Variants in EEF2K observed in about 807,000 individuals in gnomAD.
The protein encoded by EEF2K is eukaryotic elongation factor 2 kinase.
EEF2K carries 70 observed loss-of-function variants against 93.8 expected under a neutral mutation model. The ratio of observed to expected loss-of-function variants is 0.75; its 90% CI spans 0.62 to 0.91. The LOEUF is 0.91. Ranked by LOEUF, EEF2K falls within the 40% of genes least tolerant of loss-of-function variation. The pLI is 0.00. For synonymous variants in EEF2K, 376 were observed against 380.8 expected, an observed-to-expected ratio of 0.99 and a Z score of 0.15; for missense variants, 935 against 972.9, an observed-to-expected ratio of 0.96 and a Z score of 0.52.
intron 12 of EEF2K, among the ~76,000 whole-genome samples, chr16:22,264,462 C>T (rs1257897998): frequency 6.6e-6 from 1 of 151,980 alleles, no homozygotes; most frequent in Non-Finnish European, 1.5e-5. Flanking sequence ...CAGAGCAAGA[C>T]CCATGTCTAA....
chr16:22,212,136 A>T (rs2046920376), intron 1 of EEF2K, among the ~76,000 whole-genome samples: 1 of 152,188 alleles, frequency 6.6e-6, no homozygotes. Context: ...TTTGTGTTTC[A>T]TATTCCAAAA....
chr16:22,274,086 A>T (rs2047611512), intron 16 of EEF2K, among the ~76,000 whole-genome samples: 1 of 152,092 alleles, frequency 6.6e-6, no homozygotes, highest in Admixed American at 6.6e-5. Flanking sequence ...CGGGCAGATC[A>T]CTTCAGGTCA....
chr16:22,283,765 G>A (rs2047722816), intron 17 of EEF2K, 122 bp from the exon 18 acceptor site: 1 of 899,282 alleles, frequency 1.1e-6, no homozygotes. Context: ...GAGGGCACAC[G>A]GAGTAGTTTG....
At chr16:22,217,409 A>G (rs936403580) in intron 1 of EEF2K, among the ~76,000 whole-genome samples, 36 of 152,072 alleles carry the variant, frequency 2.4e-4, no homozygotes, top group African/African-American at 8.0e-4. Context: ...TGTTTAAAGC[A>G]TTTTTAAAAT....
intron 1 of EEF2K, among the ~76,000 whole-genome samples, chr16:22,206,979 T>C (rs2046869338): frequency 6.6e-6 from 1 of 151,970 alleles, no homozygotes; most frequent in South Asian, 2.1e-4. Flanking sequence ...TTTGGGGGCC[T>C]CCCCCCTCGG....
intron 16 of EEF2K, 112 bp downstream of exon 16, chr16:22,273,862 T>C (rs1424109721): frequency 8.8e-6 from 13 of 1,477,258 alleles, no homozygotes; most frequent in Non-Finnish European, 1.1e-5. Flanking sequence ...CCATGACCAG[T>C]CCAGCAACCA....
intron 1 of EEF2K, among the ~76,000 whole-genome samples, chr16:22,208,716 G>C (rs74913405): frequency 6.6e-6 from 1 of 150,730 alleles, no homozygotes; most frequent in Non-Finnish European, 1.5e-5. Context: ...CCTGGCTGAC[G>C]GGGTGAAACC....
At chr16:22,244,307 GTGTA>G (rs755812932) in intron 2 of EEF2K, among the ~76,000 whole-genome samples, 88 of 142,984 alleles carry the variant, frequency 6.2e-4, no homozygotes, top group East Asian at 3.4e-3. Flanking sequence ...GTGTGTGTGT[GTGTA>G]TATCCTATAT....
chr16:22,269,268 G>A (rs866199461), intron 15 of EEF2K, among the ~76,000 whole-genome samples: 3 of 152,008 alleles, frequency 2.0e-5, no homozygotes, highest in Non-Finnish European at 2.9e-5. Flanking sequence ...AATCTTCAGC[G>A]TTCTTGGCTT....
intron 9 of EEF2K, 118 bp from the exon 10 acceptor site, chr16:22,258,376 C>A: frequency 9.5e-7 from 1 of 1,049,230 alleles, no homozygotes; most frequent in Non-Finnish European, 1.4e-6. Context: ...AGCTCCTAAA[C>A]AGGCATGTTT....
chr16:22,212,129 G>A (rs1440374875), intron 1 of EEF2K, among the ~76,000 whole-genome samples: 1 of 152,162 alleles, frequency 6.6e-6, no homozygotes, highest in East Asian at 1.9e-4. Context: ...ATTATATTTT[G>A]TGTTTCATAT....
At chr16:22,272,692 GTC>G (rs888170484) in intron 15 of EEF2K, among the ~76,000 whole-genome samples, 3 of 149,552 alleles carry the variant, frequency 2.0e-5, no homozygotes, top group African/African-American at 7.4e-5. Flanking sequence ...TTGAGACGGT[GTC>G]TCTGTCACCC....
At chr16:22,213,777 G>T (rs1310029908) in intron 1 of EEF2K, among the ~76,000 whole-genome samples, 1 of 152,142 alleles carries the variant, frequency 6.6e-6, no homozygotes, top group Non-Finnish European at 1.5e-5. Flanking sequence ...GAAGCCAGCA[G>T]TGTGGCAACT....
At chr16:22,272,970 C>G (rs2047599071) in intron 15 of EEF2K, among the ~76,000 whole-genome samples, 1 of 152,176 alleles carries the variant, frequency 6.6e-6, no homozygotes, top group Non-Finnish European at 1.5e-5. Context: ...GCCACCCAGC[C>G]CAGCTGTGAT....
At chr16:22,278,504 G>T (rs1471446811) in intron 16 of EEF2K, among the ~76,000 whole-genome samples, 5 of 152,152 alleles carry the variant, frequency 3.3e-5, no homozygotes, top group Admixed American at 6.6e-5. Flanking sequence ...AGCAGGCATC[G>T]TTGGGGAATG....
intron 7 of EEF2K, 137 bp downstream of exon 7, chr16:22,257,034 A>G (rs1598192100): frequency 7.0e-7 from 1 of 1,435,670 alleles, no homozygotes; most frequent in Non-Finnish European, 9.3e-7. Context: ...AGCATTCAGA[A>G]GGAGACCCGT....
intron 1 of EEF2K, among the ~76,000 whole-genome samples, chr16:22,215,817 C>T (rs939150795): frequency 6.6e-6 from 1 of 152,074 alleles, no homozygotes; most frequent in Non-Finnish European, 1.5e-5. Flanking sequence ...CCCAGCTACT[C>T]GGGAGGCCGA....
chr16:22,247,037 CAAAAAAAAAAAAAAAA>C (rs57073413), intron 3 of EEF2K, among the ~76,000 whole-genome samples: 10 of 13,696 alleles, frequency 7.3e-4, no homozygotes, highest in Admixed American at 1.6e-3. Flanking sequence ...GACTCCATCT[CAAAAAAAAAAAAAAAA>C]AAAAAAAAAA....
intron 2 of EEF2K, among the ~76,000 whole-genome samples, chr16:22,228,006 CTTTTTTTT>C (rs1051682997): frequency 3.7e-5 from 3 of 80,026 alleles, no homozygotes; most frequent in East Asian, 4.7e-4. Context: ...AAACCAAATT[CTTTTTTTT>C]TTTTTTTTTT....
Sources: allele counts gnomAD v4.1 joint callset (sites outside exome capture counted in the v4.1 genomes callset), GRCh38; gene constraint gnomAD v4.1.1; transcripts MANE v1.5; gene names NCBI Gene and HGNC (gene_info 2026-07-23, HGNC 2026-07-21).